Variants in CLSTN2 observed in about 807,000 individuals in gnomAD.
The protein encoded by CLSTN2 is calsyntenin 2.
CLSTN2 carries 48 observed loss-of-function variants against 101.2 expected under a neutral mutation model. The ratio of observed to expected loss-of-function variants is 0.47; its 90% CI spans 0.38 to 0.60. The LOEUF is 0.60. Among genes scored for constraint, CLSTN2 ranks in the 20% least tolerant of loss-of-function variants. The pLI is 0.00. For missense variants in CLSTN2, 1,160 were observed against 1,238.2 expected (o/e 0.94, Z 0.95); for synonymous variants, 481 against 463.6 (o/e 1.04, Z -0.48).
In CLSTN2 at chr3:140,576,677, A is replaced by C. The variant is rs1576384713; in HGVS notation, c.*10424A>C. On this transcript the variant is annotated 3_prime_UTR_variant, in exon 17 of 17. Coordinates refer to ENST00000458420, the MANE Select transcript of CLSTN2 (RefSeq NM_022131.3). ...GGGAGCAGCCTCGTCTTGCAGAATC[A>C]CCTTCAATCACTGCTACTGTCTGGG... The C allele has an allele frequency of 6.6e-6, 1 of 152,144 alleles. No individual in the cohort carries two copies. The highest frequency in any genetic ancestry group is 2.4e-5 in the African/African-American group (1 of 41,478). 9.4% of individuals were successfully genotyped at this position (152,144 alleles called of 1,614,324 possible).
At chr3:139,963,243 T>A (rs1935541121) in intron 1 of CLSTN2, among the ~76,000 whole-genome samples, 1 of 152,136 alleles carries the variant, frequency 6.6e-6, no homozygotes. Flanking sequence ...TTGCTCTACA[T>A]ACCTCCAGAC....
chr3:140,240,136 CTCTCTCTCTCTCTCTG>C (rs1162813115), intron 2 of CLSTN2, among the ~76,000 whole-genome samples: 2 of 8,598 alleles, frequency 2.3e-4, no homozygotes, highest in African/African-American at 3.1e-4. Context: ...CACCTGGTTT[CTCTCTCTCTCTCTCTG>C]TCTCTCTCTC....
At chr3:140,386,542 T>G (rs1285650636) in intron 2 of CLSTN2, among the ~76,000 whole-genome samples, 1 of 152,198 alleles carries the variant, frequency 6.6e-6, no homozygotes, top group African/African-American at 2.4e-5. Flanking sequence ...CTGCTTGAGC[T>G]GGTCGCTCCC....
chr3:140,545,338 G>T (rs1198040581), intron 9 of CLSTN2, among the ~76,000 whole-genome samples: 4 of 152,192 alleles, frequency 2.6e-5, no homozygotes, highest in African/African-American at 9.7e-5. Context: ...GAGGGCTGGG[G>T]AAGCTGCTGG....
At chr3:139,960,541 C>T (rs73224954) in intron 1 of CLSTN2, among the ~76,000 whole-genome samples, 18 of 152,360 alleles carry the variant, frequency 1.2e-4, no homozygotes, top group Non-Finnish European at 2.5e-4. Flanking sequence ...TCCTCCAAGG[C>T]CTAGCACTGG....
chr3:140,224,299 T>C (rs566806712), intron 2 of CLSTN2, among the ~76,000 whole-genome samples: 1 of 152,346 alleles, frequency 6.6e-6, no homozygotes, highest in Admixed American at 6.5e-5. Context: ...AACTCAGTTC[T>C]TGGGATCATT....
chr3:140,129,074 T>A (rs1352086695), intron 1 of CLSTN2, among the ~76,000 whole-genome samples: 1 of 152,140 alleles, frequency 6.6e-6, no homozygotes. Flanking sequence ...CCTCAGCTCC[T>A]GGAAACTGAG....
intron 7 of CLSTN2, among the ~76,000 whole-genome samples, chr3:140,464,800 A>C (rs1933647290): frequency 6.6e-6 from 1 of 152,210 alleles, no homozygotes; most frequent in East Asian, 1.9e-4. Context: ...CCCCAGAAGC[A>C]GTCCCGGGTG....
At chr3:140,334,073 C>A (rs570679474) in intron 2 of CLSTN2, among the ~76,000 whole-genome samples, 2 of 152,112 alleles carry the variant, frequency 1.3e-5, no homozygotes, top group Non-Finnish European at 1.5e-5. Flanking sequence ...GCCTTCCATG[C>A]GACCTTGGAT....
At chr3:140,478,331 C>T (rs1576590003) in intron 8 of CLSTN2, among the ~76,000 whole-genome samples, 2 of 78,548 alleles carry the variant, frequency 2.5e-5, no homozygotes, top group East Asian at 6.9e-4. Context: ...TGAAAACATC[C>T]AGAAAAAAAA....
At chr3:140,536,739 T>C in intron 9 of CLSTN2, among the ~76,000 whole-genome samples, 1 of 152,182 alleles carries the variant, frequency 6.6e-6, no homozygotes, top group East Asian at 1.9e-4. Flanking sequence ...CTTTATAGAA[T>C]GTCTAACAGT....
intron 8 of CLSTN2, among the ~76,000 whole-genome samples, chr3:140,520,894 G>GA (rs1384237743): frequency 3.3e-5 from 5 of 152,186 alleles, no homozygotes; most frequent in Admixed American, 6.5e-5. Flanking sequence ...TCTTATTTCA[G>GA]AAAAATAGTC....
intron 2 of CLSTN2, among the ~76,000 whole-genome samples, chr3:140,222,070 A>T (rs2086278862): frequency 6.6e-6 from 1 of 151,680 alleles, no homozygotes; most frequent in African/African-American, 2.4e-5. Flanking sequence ...AGCAACCTAG[A>T]TGTCCACCGA....
chr3:140,004,463 C>G (rs1245985785), intron 1 of CLSTN2, among the ~76,000 whole-genome samples: 1 of 152,200 alleles, frequency 6.6e-6, no homozygotes, highest in Non-Finnish European at 1.5e-5. Context: ...CCCCATACAG[C>G]AATCAGCACC....
intron 2 of CLSTN2, among the ~76,000 whole-genome samples, chr3:140,281,367 CA>C (rs2086845137): frequency 6.6e-6 from 1 of 152,130 alleles, no homozygotes; most frequent in South Asian, 2.1e-4. Flanking sequence ...GAAATGAAAA[CA>C]AAAGCAAAAA....
At chr3:140,050,031 A>G (rs2007960516) in intron 1 of CLSTN2, among the ~76,000 whole-genome samples, 1 of 152,180 alleles carries the variant, frequency 6.6e-6, no homozygotes, top group South Asian at 2.1e-4. Context: ...TGATTTCTTC[A>G]TTGATAAAAT....
intron 2 of CLSTN2, among the ~76,000 whole-genome samples, chr3:140,290,537 G>A (rs1437367461): frequency 6.6e-6 from 1 of 152,164 alleles, no homozygotes; most frequent in Non-Finnish European, 1.5e-5. Context: ...GAGGTAGGGG[G>A]AAGGGAACAC....
intron 8 of CLSTN2, among the ~76,000 whole-genome samples, chr3:140,468,637 TG>T (rs1933765603): frequency 6.6e-6 from 1 of 152,352 alleles, no homozygotes; most frequent in Non-Finnish European, 1.5e-5. Flanking sequence ...GGCTAATGTG[TG>T]GCAAGAGACT....
intron 9 of CLSTN2, among the ~76,000 whole-genome samples, chr3:140,536,272 T>C (rs1935357778): frequency 2.0e-5 from 3 of 152,064 alleles, no homozygotes; most frequent in Non-Finnish European, 4.4e-5. Flanking sequence ...AAGGACTAGA[T>C]GCTAGGCACA....
Sources: allele counts gnomAD v4.1 joint callset (sites outside exome capture counted in the v4.1 genomes callset), GRCh38; gene constraint gnomAD v4.1.1; transcripts MANE v1.5; gene names NCBI Gene and HGNC (gene_info 2026-07-23, HGNC 2026-07-21).